EYS: variants seen among roughly 807,000 people sequenced by gnomAD.
The protein encoded by EYS is protein eyes shut homolog.
In EYS, 250 loss-of-function variants were observed where a neutral mutation model predicts 282.1. The observed-to-expected ratio is 0.89, with a 90% CI of 0.80 to 0.98. The LOEUF (loss-of-function observed/expected upper bound fraction) is 0.98, where lower values mean the gene tolerates loss of function less well. EYS is among the 50% of genes least tolerant of loss of function. The pLI is 0.00. For synonymous variants in EYS, 1,355 were observed against 1,282.9 expected (o/e 1.06, Z -1.20); for missense variants, 4,016 against 3,709.0 (o/e 1.08, Z -2.15).
chr6:64,900,691 A>G (rs775389980), intron 18 of EYS, among the ~76,000 whole-genome samples: 10 of 152,236 alleles, frequency 6.6e-5, no homozygotes, highest in Non-Finnish European at 1.0e-4. Context: ...ATGCCATCTC[A>G]TGCCAGTTAG....
At chr6:64,613,657 C>T (rs1767178731) in intron 24 of EYS, among the ~76,000 whole-genome samples, 1 of 152,058 alleles carries the variant, frequency 6.6e-6, no homozygotes, top group Non-Finnish European at 1.5e-5. Flanking sequence ...GGTAGAAAAA[C>T]AAACTGTAAT....
intron 27 of EYS, 46 bp downstream of exon 27, chr6:64,439,116 A>T: frequency 9.2e-7 from 1 of 1,084,906 alleles, no homozygotes; most frequent in Non-Finnish European, 1.3e-6. Flanking sequence ...ACATAATTAG[A>T]ACAACTTTGT....
At chr6:64,530,691 G>A (rs960726517) in intron 26 of EYS, among the ~76,000 whole-genome samples, 8 of 152,042 alleles carry the variant, frequency 5.3e-5, no homozygotes, top group Non-Finnish European at 1.2e-4. Flanking sequence ...AGCTACTAGG[G>A]ATATAACAAC....
intron 41 of EYS, among the ~76,000 whole-genome samples, chr6:63,729,242 T>G (rs1768717302): frequency 6.6e-6 from 1 of 152,178 alleles, no homozygotes; most frequent in Non-Finnish European, 1.5e-5. Flanking sequence ...ATATATATTT[T>G]GCAAATATTT....
chr6:64,041,021 A>T (rs1338017366), intron 33 of EYS, among the ~76,000 whole-genome samples: 1 of 152,246 alleles, frequency 6.6e-6, no homozygotes, highest in Non-Finnish European at 1.5e-5. Flanking sequence ...GTATTCAGTT[A>T]CATTTTAATT....
chr6:63,756,589 T>C (rs187557588), intron 41 of EYS, among the ~76,000 whole-genome samples: 8 of 152,288 alleles, frequency 5.3e-5, no homozygotes, highest in Admixed American at 5.2e-4. Context: ...AAAATTCTCT[T>C]TTTTGTTGTG....
intron 24 of EYS, among the ~76,000 whole-genome samples, chr6:64,607,939 T>C (rs1486796539): frequency 3.2e-4 from 48 of 152,158 alleles, no homozygotes; most frequent in Admixed American, 3.1e-3. Flanking sequence ...ACAAAATTGT[T>C]TTAATCATTC....
chr6:65,527,889 T>C (rs1382208570), intron 2 of EYS, among the ~76,000 whole-genome samples: 1 of 152,190 alleles, frequency 6.6e-6, no homozygotes, highest in Non-Finnish European at 1.5e-5. Flanking sequence ...CATACAACAT[T>C]GTCTGAAATT....
intron 2 of EYS, among the ~76,000 whole-genome samples, chr6:65,530,306 C>G (rs1322541515): frequency 6.6e-6 from 1 of 152,102 alleles, no homozygotes; most frequent in African/African-American, 2.4e-5. Context: ...CTCTTTGACC[C>G]AGCTCCAAAG....
At chr6:65,457,669 G>A (rs1278705085) in intron 5 of EYS, among the ~76,000 whole-genome samples, 2 of 151,554 alleles carry the variant, frequency 1.3e-5, no homozygotes, top group Non-Finnish European at 2.9e-5. Flanking sequence ...ACACTCTGAC[G>A]AATAAAAAAA....
At chr6:65,037,874 C>A (rs75171926) in intron 13 of EYS, among the ~76,000 whole-genome samples, 1 of 151,480 alleles carries the variant, frequency 6.6e-6, no homozygotes, top group African/African-American at 2.4e-5. Context: ...TGTTTCTATG[C>A]CTGTGTATTA....
chr6:64,129,089 T>C (rs1399754947), intron 31 of EYS, among the ~76,000 whole-genome samples: 1 of 152,200 alleles, frequency 6.6e-6, no homozygotes, highest in African/African-American at 2.4e-5. Context: ...ATGTATTGTT[T>C]ATAGATGTTT....
At chr6:64,908,329 G>C (rs968569533) in intron 16 of EYS, among the ~76,000 whole-genome samples, 1 of 152,162 alleles carries the variant, frequency 6.6e-6, no homozygotes, top group Non-Finnish European at 1.5e-5. Flanking sequence ...TGGAACCCAG[G>C]TGAGGGTGCC....
intron 22 of EYS, among the ~76,000 whole-genome samples, chr6:64,701,835 T>A (rs1227180886): frequency 6.6e-6 from 1 of 151,894 alleles, no homozygotes; most frequent in Non-Finnish European, 1.5e-5. Flanking sequence ...TTAAATTTAT[T>A]CAAATAAAAA....
intron 5 of EYS, among the ~76,000 whole-genome samples, chr6:65,414,313 T>G (rs1303828397): frequency 6.6e-6 from 1 of 152,182 alleles, no homozygotes; most frequent in Admixed American, 6.5e-5. Flanking sequence ...GGAAAGATTA[T>G]GGAGCATTTT....
At chr6:64,170,019 G>T (rs775997846) in intron 31 of EYS, among the ~76,000 whole-genome samples, 1 of 152,162 alleles carries the variant, frequency 6.6e-6, no homozygotes, top group Non-Finnish European at 1.5e-5. Context: ...TTATATTTGG[G>T]TTGTCTTTGA....
intron 33 of EYS, among the ~76,000 whole-genome samples, chr6:64,049,088 G>T (rs760634602): frequency 6.6e-6 from 1 of 152,120 alleles, no homozygotes; most frequent in Non-Finnish European, 1.5e-5. Flanking sequence ...TCACAGTATA[G>T]TAGTTATTTT....
chr6:63,790,712 C>A (rs571873302), intron 37 of EYS, among the ~76,000 whole-genome samples: 1 of 152,296 alleles, frequency 6.6e-6, no homozygotes, highest in African/African-American at 2.4e-5. Flanking sequence ...TGGAGATAGT[C>A]TTTCAGGCAG....
intron 31 of EYS, among the ~76,000 whole-genome samples, chr6:64,225,711 G>T (rs772831238): frequency 4.6e-5 from 7 of 152,104 alleles, no homozygotes; most frequent in Non-Finnish European, 8.8e-5. Flanking sequence ...ATGAGAATAG[G>T]GAGCAGGCTG....
Sources: allele counts gnomAD v4.1 joint callset (sites outside exome capture counted in the v4.1 genomes callset), GRCh38; gene constraint gnomAD v4.1.1; transcripts MANE v1.5; gene names NCBI Gene and HGNC (gene_info 2026-07-23, HGNC 2026-07-21).